Variants in OLFM2 observed in about 807,000 individuals in gnomAD.
OLFM2 encodes noelin-2.
In OLFM2, 20 loss-of-function variants were observed where a neutral mutation model predicts 43.9. The observed-to-expected ratio is 0.46, with a 90% CI of 0.32 to 0.66. The LOEUF (loss-of-function observed/expected upper bound fraction) is 0.66. OLFM2 is among the 30% of genes least tolerant of loss of function. The probability of loss-of-function intolerance (pLI) is 0.04; values close to 1 mark genes in which losing one functional copy is unlikely to be tolerated. For missense variants in OLFM2, 416 were observed against 643.6 expected (o/e 0.65, Z 3.83); for synonymous variants, 268 against 278.6 (o/e 0.96, Z 0.38).
Position 9,861,693 on chromosome 19 carries a change from G to A in OLFM2, c.64-899C>T, listed in dbSNP as rs554717409. Among the ~76,000 whole-genome samples, 11 of 152,328 alleles carry A rather than the reference G, an allele frequency of 7.2e-5. No homozygotes were observed. In the South Asian group the frequency reaches 2.3e-3, roughly 32 times the overall value. ...ACTGGGTGAAACAAGTTTTGTTACTGCAGGACTTATCAGAGGCTTAGAAAT... is the reference window on the plus strand; with the variant it reads ...ACTGGGTGAAACAAGTTTTGTTACTACAGGACTTATCAGAGGCTTAGAAAT... On this transcript the variant is annotated intron_variant, in intron 1 of 5. Transcript: ENST00000264833.
At chr19:9,890,347 C>G (rs1268423458) in intron 1 of OLFM2, among the ~76,000 whole-genome samples, 2 of 152,090 alleles carry the variant, frequency 1.3e-5, no homozygotes, top group Admixed American at 6.6e-5. Context: ...CCTGATGTAT[C>G]TGAAGCTAAG....
At chr19:9,887,625 C>T (rs1166298360) in intron 1 of OLFM2, among the ~76,000 whole-genome samples, 1 of 152,010 alleles carries the variant, frequency 6.6e-6, no homozygotes. Context: ...TCTCCCAGTT[C>T]CCCCTACTTG....
At chr19:9,896,513 C>T (rs527356951) in intron 1 of OLFM2, among the ~76,000 whole-genome samples, 7 of 152,214 alleles carry the variant, frequency 4.6e-5, no homozygotes, top group Admixed American at 1.3e-4. Flanking sequence ...CCTCCCACCC[C>T]GGCCTCCGAA....
At chr19:9,900,945 GGGAAGGAAGGAA>G (rs762692609) in intron 1 of OLFM2, among the ~76,000 whole-genome samples, 7 of 18,942 alleles carry the variant, frequency 3.7e-4, no homozygotes, top group East Asian at 9.2e-4. Context: ...GGGAGGGAAG[GGGAAGGAAGGAA>G]GGAAGGAAGG....
intron 1 of OLFM2, among the ~76,000 whole-genome samples, chr19:9,901,362 G>A (rs928514269): frequency 2.6e-5 from 4 of 152,114 alleles, no homozygotes; most frequent in Non-Finnish European, 5.9e-5. Context: ...GAAGGCAGAG[G>A]TTGCAGTGAG....
intron 1 of OLFM2, among the ~76,000 whole-genome samples, chr19:9,867,133 G>A (rs1336037244): frequency 6.6e-6 from 1 of 152,214 alleles, no homozygotes; most frequent in Non-Finnish European, 1.5e-5. Context: ...CACTTTGGGA[G>A]GTGAAGGTGG....
chr19:9,873,315 G>A (rs1237672630), intron 1 of OLFM2, among the ~76,000 whole-genome samples: 1 of 152,026 alleles, frequency 6.6e-6, no homozygotes, highest in Admixed American at 6.6e-5. Flanking sequence ...CACCACGCCA[G>A]GCTAATTTTT....
At chr19:9,912,643 CCTT>C (rs1424487360) in intron 1 of OLFM2, among the ~76,000 whole-genome samples, 2 of 151,902 alleles carry the variant, frequency 1.3e-5, no homozygotes, top group Non-Finnish European at 2.9e-5. Flanking sequence ...TGAGTTCTCT[CCTT>C]CTTCCCTGAT....
chr19:9,854,050 C>A lies in OLFM2; in HGVS notation c.*136G>T. 1.4e-6 allele frequency: 1 copy of A among 740,198 alleles called. No individual in the cohort carries two copies. Among genetic ancestry groups the A allele is most frequent in the Non-Finnish European group, 2.2e-6 (1 of 451,570 alleles). 45.9% of individuals were successfully genotyped at this position (740,198 alleles called of 1,614,324 possible). The stretch of plus-strand genomic sequence containing the variant: ...TAGACAGAAATACATAGGCAGAGAA[C>A]AAAAGCCCAGCAAAAAGGCGGGGAG... On this transcript the variant is annotated 3_prime_UTR_variant, in exon 6 of 6. Transcript: ENST00000264833. This position sits in a 1 kb window ranked among gnomAD's most constrained non-coding sequence, Gnocchi z 9.5.
chr19:9,936,479 G>A lies in OLFM2; in HGVS notation c.-113C>T, dbSNP rs1460573512. On this transcript the variant is annotated 5_prime_UTR_variant, in exon 1 of 6. Transcript: ENST00000264833. ...CCGGCCGGGGCGACCCTGCGCCGCC[G>A]CCTCCCCCGCCTCGCCGGCGGCCGG... The A allele has an allele frequency of 8.2e-6, 6 of 731,664 alleles. No homozygotes were observed. The highest frequency in any genetic ancestry group is 8.4e-6 in the Non-Finnish European group (5 of 598,318). 45.3% of individuals were successfully genotyped at this position (731,664 alleles called of 1,614,324 possible).
At position 9,854,789 on chromosome 19, in the gene OLFM2, G is replaced by C; in HGVS notation, c.762C>G (p.Gly254=). 1 of 1,610,928 alleles carries C rather than the reference G, an allele frequency of 6.2e-7. No individual in the cohort carries two copies. Among genetic ancestry groups the C allele is most frequent in the Non-Finnish European group, 8.5e-7 (1 of 1,177,602 alleles). The change falls in exon 6 of 6, where the codon GGC becomes GGG. Residue 254 remains glycine, a synonymous_variant. Coordinates refer to ENST00000264833, the MANE Select transcript of OLFM2 (RefSeq NM_058164.4). This position sits in a 1 kb window ranked among gnomAD's most constrained non-coding sequence, Gnocchi z 9.5. ...EFRTLGDFIK[G]QNFIQHLLPQ... Reference sequence around the variant, plus strand: ...GCAGCAGGTGCTGGATAAAGTTCTGGCCTTTGATGAAGTCTCCCAGGGTAC... The same window carrying C: ...GCAGCAGGTGCTGGATAAAGTTCTGCCCTTTGATGAAGTCTCCCAGGGTAC...
At chr19:9,870,528 A>G (rs1215757876) in intron 1 of OLFM2, among the ~76,000 whole-genome samples, 1 of 152,182 alleles carries the variant, frequency 6.6e-6, no homozygotes, top group Non-Finnish European at 1.5e-5. Context: ...ACAGGCACTG[A>G]ACCAGGATGT....
intron 1 of OLFM2, among the ~76,000 whole-genome samples, chr19:9,924,233 C>T (rs971294323): frequency 1.1e-4 from 17 of 149,008 alleles, no homozygotes; most frequent in African/African-American, 4.0e-4. Flanking sequence ...GGTGAAACCC[C>T]GTCTCTACAA....
chr19:9,903,393 A>G (rs2046757328), intron 1 of OLFM2, among the ~76,000 whole-genome samples: 1 of 152,168 alleles, frequency 6.6e-6, no homozygotes, highest in Non-Finnish European at 1.5e-5. Context: ...AAAACATGTT[A>G]TTCACTAACA....
chr19:9,890,485 TG>T (rs1392931845), intron 1 of OLFM2, among the ~76,000 whole-genome samples: 5 of 151,922 alleles, frequency 3.3e-5, no homozygotes, highest in Admixed American at 1.3e-4. Context: ...TCTACAGGAG[TG>T]AGTAACTGTT....
intron 1 of OLFM2, among the ~76,000 whole-genome samples, chr19:9,897,306 C>T (rs2046694220): frequency 1.5e-5 from 2 of 135,242 alleles, no homozygotes; most frequent in Non-Finnish European, 3.1e-5. Context: ...CTAGCCTGGG[C>T]AACAGAGTGA....
At chr19:9,899,231 C>G (rs985566174) in intron 1 of OLFM2, among the ~76,000 whole-genome samples, 4 of 151,680 alleles carry the variant, frequency 2.6e-5, no homozygotes, top group Non-Finnish European at 5.9e-5. Flanking sequence ...CACCACTGCA[C>G]TCCAGCCTGG....
At chr19:9,859,118 T>C (rs1465755389) in intron 2 of OLFM2, among the ~76,000 whole-genome samples, 7 of 152,192 alleles carry the variant, frequency 4.6e-5, no homozygotes, top group Non-Finnish European at 1.0e-4. Flanking sequence ...ATACAGACTT[T>C]CCTGTACAAT....
At chr19:9,911,160 G>C (rs1376832601) in intron 1 of OLFM2, among the ~76,000 whole-genome samples, 2 of 152,154 alleles carry the variant, frequency 1.3e-5, no homozygotes. Flanking sequence ...CCATTTTATA[G>C]ATGAGAAAAC....
Sources: gnomAD v4.1 joint callset for allele counts (sites outside exome capture counted in the v4.1 genomes callset) on GRCh38, gnomAD v4.1.1 for gene constraint, Gnocchi (gnomAD v3.1) non-coding constraint, MANE v1.5 for transcripts, NCBI Gene and HGNC (gene_info 2026-07-23, HGNC 2026-07-21) for gene names.